LRRC4C: variants seen among roughly 807,000 people sequenced by gnomAD.
The protein encoded by LRRC4C is leucine-rich repeat-containing protein 4C.
A neutral mutation model predicts 33.6 loss-of-function variants in LRRC4C; 5 were observed. That is an observed-to-expected ratio of 0.15 (90% CI 0.08 to 0.31). The LOEUF is 0.31. Among genes scored for constraint, LRRC4C ranks in the 10% least tolerant of loss-of-function variants. LRRC4C has a pLI of 1.00. For synonymous variants in LRRC4C, 329 were observed against 302.0 expected, an observed-to-expected ratio of 1.09 and a Z score of -0.93; for missense variants, 560 against 796.7, an observed-to-expected ratio of 0.70 and a Z score of 3.58.
chr11:41,391,700 A>G (rs557602108), intron 1 of LRRC4C, among the ~76,000 whole-genome samples: 1 of 152,048 alleles, frequency 6.6e-6, no homozygotes, highest in South Asian at 2.1e-4. Context: ...ACTGACAGAC[A>G]TTTCCTTTCC....
intron 1 of LRRC4C, among the ~76,000 whole-genome samples, chr11:40,945,829 A>G (rs1180377688): frequency 6.6e-6 from 1 of 152,174 alleles, no homozygotes; most frequent in Non-Finnish European, 1.5e-5. Context: ...AGTAAATCTC[A>G]GGAAACTTTG....
intron 2 of LRRC4C, among the ~76,000 whole-genome samples, chr11:40,827,627 T>C (rs1331821606): frequency 5.3e-5 from 8 of 151,728 alleles, no homozygotes; most frequent in Non-Finnish European, 1.2e-4. Flanking sequence ...GAAAAGTAAT[T>C]GAATGTTCAG....
At chr11:40,977,609 A>C (rs1852179971) in intron 1 of LRRC4C, among the ~76,000 whole-genome samples, 2 of 152,144 alleles carry the variant, frequency 1.3e-5, no homozygotes, top group South Asian at 4.1e-4. Context: ...TCTCTAGACA[A>C]GTAGTTAAGA....
intron 3 of LRRC4C, among the ~76,000 whole-genome samples, chr11:40,564,366 G>T (rs558035963): frequency 6.6e-6 from 1 of 152,282 alleles, no homozygotes; most frequent in Non-Finnish European, 1.5e-5. Context: ...TCTAGAAGAT[G>T]CCCTAGAAGA....
At chr11:41,379,704 T>C (rs375846631) in intron 1 of LRRC4C, among the ~76,000 whole-genome samples, 3 of 152,068 alleles carry the variant, frequency 2.0e-5, no homozygotes, top group Non-Finnish European at 2.9e-5. Flanking sequence ...TTCTTGATGT[T>C]CCTGCCTCAG....
In LRRC4C at chr11:40,391,059, T is replaced by G. The variant is rs115846013; in HGVS notation, c.-269-71338A>C. On this transcript the variant is annotated intron_variant, in intron 3 of 6. Transcript: ENST00000528697. ...ACCACACCTGGCTTATATTTGTATT[T>G]TTAGTATAGATGGGGTTTCACCAGG... Among the ~76,000 whole-genome samples, 1,110 of 152,098 alleles carry G rather than the reference T, an allele frequency of 7.3e-3. 12 individuals carry two copies. Among genetic ancestry groups the G allele is most frequent in the African/African-American group, 0.025 (1,050 of 41,500 alleles).
chr11:41,318,102 T>C (rs544267233), intron 1 of LRRC4C, among the ~76,000 whole-genome samples: 74 of 152,314 alleles, frequency 4.9e-4, no homozygotes, highest in Admixed American at 3.9e-3. Flanking sequence ...CTTTATATTA[T>C]TGGAAAAATC....
intron 4 of LRRC4C, among the ~76,000 whole-genome samples, chr11:40,285,180 C>A (rs1287196462): frequency 6.6e-6 from 1 of 152,114 alleles, no homozygotes; most frequent in East Asian, 1.9e-4. Context: ...TGAGATTCCT[C>A]TCTCAAAAAA....
chr11:40,652,136 C>T (rs1051827594), intron 2 of LRRC4C, among the ~76,000 whole-genome samples: 1 of 152,174 alleles, frequency 6.6e-6, no homozygotes, highest in African/African-American at 2.4e-5. Flanking sequence ...CTGTTAGGTA[C>T]TATGCTAGAT....
At chr11:41,161,037 A>T (rs1944448143) in intron 1 of LRRC4C, among the ~76,000 whole-genome samples, 1 of 152,200 alleles carries the variant, frequency 6.6e-6, no homozygotes, top group Non-Finnish European at 1.5e-5. Flanking sequence ...TCATCTAAAC[A>T]GAGCAGCAGT....
At chr11:40,510,213 A>T (rs1955244185) in intron 3 of LRRC4C, among the ~76,000 whole-genome samples, 1 of 141,086 alleles carries the variant, frequency 7.1e-6, no homozygotes, top group African/African-American at 2.9e-5. Context: ...ATATGTATTT[A>T]TATATATATA....
At chr11:41,292,471 G>A (rs1415195128) in intron 1 of LRRC4C, among the ~76,000 whole-genome samples, 1 of 151,924 alleles carries the variant, frequency 6.6e-6, no homozygotes, top group African/African-American at 2.4e-5. Context: ...ATGCCTCAGT[G>A]GATTCTGACA....
intron 4 of LRRC4C, among the ~76,000 whole-genome samples, chr11:40,261,757 A>G (rs1364954343): frequency 6.6e-6 from 1 of 152,204 alleles, no homozygotes; most frequent in East Asian, 1.9e-4. Flanking sequence ...CCTATTTAAT[A>G]AATGGTGTTG....
intron 1 of LRRC4C, among the ~76,000 whole-genome samples, chr11:41,144,531 C>G (rs1051927573): frequency 2.0e-5 from 3 of 152,136 alleles, no homozygotes; most frequent in African/African-American, 7.2e-5. Flanking sequence ...GCTTATCTCT[C>G]AAGGCTTTTC....
At chr11:40,498,978 T>G (rs535658321) in intron 3 of LRRC4C, among the ~76,000 whole-genome samples, 3 of 152,264 alleles carry the variant, frequency 2.0e-5, no homozygotes, top group Middle Eastern at 3.4e-3. Context: ...TCCTTTCCTC[T>G]CCCCATGTTA....
At chr11:40,185,904 A>G (rs1195753536) in intron 5 of LRRC4C, among the ~76,000 whole-genome samples, 1 of 152,016 alleles carries the variant, frequency 6.6e-6, no homozygotes, top group African/African-American at 2.4e-5. Context: ...GTGGTTGCTC[A>G]TTGTCTTCTT....
chr11:41,236,464 C>T (rs2136506235), intron 1 of LRRC4C, among the ~76,000 whole-genome samples: 1 of 152,128 alleles, frequency 6.6e-6, no homozygotes, highest in South Asian at 2.1e-4. Context: ...CTGTGGACTT[C>T]CCAATAGCCA....
chr11:40,199,032 GAGAC>G (rs1388400445), intron 5 of LRRC4C, among the ~76,000 whole-genome samples: 4 of 152,118 alleles, frequency 2.6e-5, no homozygotes, highest in Admixed American at 6.6e-5. Flanking sequence ...ATGGGGAAGA[GAGAC>G]AGAAGTTGAG....
intron 1 of LRRC4C, among the ~76,000 whole-genome samples, chr11:41,384,128 C>T (rs1326961101): frequency 3.3e-5 from 5 of 151,820 alleles, no homozygotes; most frequent in Non-Finnish European, 5.9e-5. Flanking sequence ...ACCAGAGAAC[C>T]GTAACCTATT....
Sources: gnomAD v4.1 joint callset for allele counts (sites outside exome capture counted in the v4.1 genomes callset) on GRCh38, gnomAD v4.1.1 for gene constraint, MANE v1.5 for transcripts, NCBI Gene and HGNC (gene_info 2026-07-23, HGNC 2026-07-21) for gene names.